The following ADAMTS20 variants were observed in gnomAD, a reference collection of about 807,000 sequenced individuals.
ADAMTS20 encodes ADAM metallopeptidase with thrombospondin type 1 motif 20.
A neutral mutation model predicts 260.1 loss-of-function variants in ADAMTS20; 225 were observed. The ratio of observed to expected loss-of-function variants is 0.87; its 90% confidence interval spans 0.78 to 0.97. ADAMTS20 has a LOEUF of 0.97. Among genes scored for constraint, ADAMTS20 ranks in the 50% least tolerant of loss-of-function variants. ADAMTS20 has a pLI of 0.00. For synonymous variants in ADAMTS20, 802 were observed against 769.5 expected (o/e 1.04, Z -0.70); for missense variants, 2,400 against 2,337.7 (o/e 1.03, Z -0.55).
chr12:43,502,213 G>A lies in ADAMTS20; in HGVS notation c.806C>T (p.Ala269Val), dbSNP rs770149878. Residue 269 changes from alanine (A) to valine (V), a missense_variant, in exon 4 of 39, where the codon GCT (alanine) becomes GTT (valine). Coordinates refer to ENST00000389420, the MANE Select transcript of ADAMTS20 (RefSeq NM_025003.5). ...CGATCCATGAGCAGAAACCACTTTA[G>A]CATCAGCTGTAACCATAATTTCAAT... is the stretch of plus-strand genomic sequence containing the variant. ...RYIEIMVTAD[A>V]KVVSAHGSNL... 5 of 1,610,682 alleles carry A rather than the reference G, an allele frequency of 3.1e-6. No homozygotes were observed. The South Asian group carries it at 5.5e-5, about 18-fold the overall frequency.
intron 7 of ADAMTS20, among the ~76,000 whole-genome samples, chr12:43,478,030 G>A (rs1030206566): frequency 1.3e-5 from 2 of 152,078 alleles, no homozygotes; most frequent in East Asian, 1.9e-4. Context: ...AAATAAATAA[G>A]AGAACATACG....
At chr12:43,417,158 A>G (rs552910054) in intron 28 of ADAMTS20, among the ~76,000 whole-genome samples, 1 of 152,166 alleles carries the variant, frequency 6.6e-6, no homozygotes, top group Admixed American at 6.6e-5. Context: ...GTGGAATGGT[A>G]ACATGCAATT....
At chr12:43,448,057 A>C (rs111830889) in intron 14 of ADAMTS20, among the ~76,000 whole-genome samples, 11,255 of 152,254 alleles carry the variant, frequency 0.074, 1,082 homozygotes, top group African/African-American at 0.23. Context: ...TAAAATGGCC[A>C]TATTTCCCAA....
At chr12:43,467,764 G>T (rs1004845227) in intron 8 of ADAMTS20, among the ~76,000 whole-genome samples, 6 of 152,064 alleles carry the variant, frequency 3.9e-5, no homozygotes, top group African/African-American at 1.2e-4. Context: ...TGCAAAAAGG[G>T]AACTGAAGAG....
intron 4 of ADAMTS20, among the ~76,000 whole-genome samples, chr12:43,498,109 A>G (rs938499216): frequency 2.0e-5 from 3 of 152,164 alleles, no homozygotes; most frequent in African/African-American, 7.2e-5. Flanking sequence ...ATCTCTGCTC[A>G]TTTAACACAA....
intron 28 of ADAMTS20, chr12:43,423,896 T>G: frequency 2.8e-6 from 2 of 726,684 alleles, no homozygotes; most frequent in Non-Finnish European, 2.5e-6. Context: ...GATGGTCCTT[T>G]GAGGCAGCAA....
rs114971008 is a variant in ADAMTS20 at position 43,415,931 on chromosome 12, G to C, written c.4284+9583C>G. 1.3e-3 allele frequency among the ~76,000 whole-genome samples: 197 copies of C among 152,246 alleles called. 1 individual carries two copies. The highest frequency in any genetic ancestry group is 4.5e-3 in the African/African-American group (187 of 41,554). ...CTTCACACTGCAATGTGTAATCCTA[G>C]TGCTCTCAGATTGACTTTTTCACTC... On this transcript the variant is annotated intron_variant, in intron 28 of 38. Transcript: ENST00000389420.
At chr12:43,506,363 A>T (rs1942842293) in intron 3 of ADAMTS20, among the ~76,000 whole-genome samples, 1 of 152,180 alleles carries the variant, frequency 6.6e-6, no homozygotes, top group Non-Finnish European at 1.5e-5. Context: ...GTGAATGTAT[A>T]TAGTCTCAGT....
intron 3 of ADAMTS20, among the ~76,000 whole-genome samples, chr12:43,504,656 T>C (rs1942816136): frequency 6.6e-6 from 1 of 152,186 alleles, no homozygotes; most frequent in Admixed American, 6.5e-5. Context: ...TTAAAGGAAA[T>C]ATTGCATGTC....
intron 3 of ADAMTS20, among the ~76,000 whole-genome samples, chr12:43,505,601 ATGG>A (rs1388287795): frequency 6.6e-6 from 1 of 152,222 alleles, no homozygotes; most frequent in East Asian, 1.9e-4. Flanking sequence ...ACCCATAAGA[ATGG>A]CTACTATTAA....
chr12:43,399,018 T>C (rs1195277825), intron 29 of ADAMTS20, 48 bp downstream of exon 29: 1 of 1,194,754 alleles, frequency 8.4e-7, no homozygotes, highest in Non-Finnish European at 1.1e-6. Flanking sequence ...AATTTTCTTT[T>C]TAAATACAAA....
chr12:43,545,665 C>T (rs1159521526), intron 2 of ADAMTS20, among the ~76,000 whole-genome samples: 3 of 152,132 alleles, frequency 2.0e-5, no homozygotes, highest in African/African-American at 4.8e-5. Context: ...GACCTGTTCT[C>T]GAGAGCCATA....
At chr12:43,500,191 G>T (rs1184455108) in intron 4 of ADAMTS20, among the ~76,000 whole-genome samples, 1 of 151,980 alleles carries the variant, frequency 6.6e-6, no homozygotes, top group Non-Finnish European at 1.5e-5. Flanking sequence ...ACCACGCCTG[G>T]CTAATTTTTG....
At chr12:43,449,966 T>C (rs1004962089) in intron 14 of ADAMTS20, among the ~76,000 whole-genome samples, 1 of 152,176 alleles carries the variant, frequency 6.6e-6, no homozygotes, top group East Asian at 1.9e-4. Flanking sequence ...CCACTGTCAT[T>C]TGAAAACCAC....
chr12:43,464,211 T>TA (rs1942113197), intron 10 of ADAMTS20, among the ~76,000 whole-genome samples: 1 of 152,226 alleles, frequency 6.6e-6, no homozygotes, highest in Non-Finnish European at 1.5e-5. Flanking sequence ...CTCTATTAGT[T>TA]AGATTCCTGG....
At chr12:43,398,114 C>T (rs1212054769) in intron 29 of ADAMTS20, among the ~76,000 whole-genome samples, 1 of 152,108 alleles carries the variant, frequency 6.6e-6, no homozygotes, top group African/African-American at 2.4e-5. Flanking sequence ...CAGGACTAGG[C>T]CCTTTAAGAA....
In ADAMTS20 at chr12:43,358,430, T is replaced by G. The variant is rs149221872; in HGVS notation, c.5539-1842A>C. Among the ~76,000 whole-genome samples the G allele has an allele frequency of 6.9e-3, 1,056 of 152,204 alleles. 5 individuals carry two copies. The highest frequency in any genetic ancestry group is 0.021 in the South Asian group (100 of 4,834). The stretch of plus-strand genomic sequence containing the variant: ...GGTATGATGTTGACGGAGGTAAAAA[T>G]ACATCTCACTCATTTGTTCAAAATT... On this transcript the variant is annotated intron_variant, in intron 37 of 38. Coordinates refer to ENST00000389420, the MANE Select transcript of ADAMTS20 (RefSeq NM_025003.5).
At chr12:43,485,960 G>T (rs1452434173) in intron 7 of ADAMTS20, among the ~76,000 whole-genome samples, 1 of 152,110 alleles carries the variant, frequency 6.6e-6, no homozygotes, top group Non-Finnish European at 1.5e-5. Context: ...TACATCCCAT[G>T]CTTGTGGACT....
At chr12:43,412,850 C>T (rs531686180) in intron 28 of ADAMTS20, among the ~76,000 whole-genome samples, 2 of 126,282 alleles carry the variant, frequency 1.6e-5, no homozygotes, top group African/African-American at 3.1e-5. Flanking sequence ...CTGGCTCTGT[C>T]GCCCAGGCTG....
Sources: gnomAD v4.1 joint callset for allele counts (sites outside exome capture counted in the v4.1 genomes callset) on GRCh38, gnomAD v4.1.1 for gene constraint, MANE v1.5 for transcripts, NCBI Gene and HGNC (gene_info 2026-07-23, HGNC 2026-07-21) for gene names.